Variants in DCBLD1 observed in about 807,000 individuals in gnomAD.
The protein encoded by DCBLD1 is discoidin, CUB and LCCL domain containing 1.
Under a neutral mutation model 71.5 loss-of-function variants are expected in DCBLD1, and 57 were observed. That is an observed-to-expected ratio of 0.80 (90% CI 0.64 to 0.99). The LOEUF (loss-of-function observed/expected upper bound fraction) is 0.99. DCBLD1 is among the 50% of genes least tolerant of loss of function. The pLI, the probability that DCBLD1 is intolerant of heterozygous loss-of-function variation, is 0.00. For missense variants in DCBLD1, 891 were observed against 923.5 expected (o/e 0.96, Z 0.46); for synonymous variants, 380 against 363.8 (o/e 1.04, Z -0.51).
At chr6:117,547,558 GT>G (rs1322532083) in intron 14 of DCBLD1, 2 of 553,030 alleles carry the variant, frequency 3.6e-6, no homozygotes, top group African/African-American at 1.9e-5. Flanking sequence ...TTTCGAGGCT[GT>G]TTTTTTCTCC....
chr6:117,522,389 G>A (rs9285422), intron 4 of DCBLD1, among the ~76,000 whole-genome samples: 46,629 of 151,802 alleles, frequency 0.31, 8,253 homozygotes, highest in African/African-American at 0.49. Context: ...CCAGTGGAGA[G>A]CCACTAGTCT....
chr6:117,500,870 A>C (rs1205970195), intron 1 of DCBLD1, among the ~76,000 whole-genome samples: 1 of 151,296 alleles, frequency 6.6e-6, no homozygotes, highest in Non-Finnish European at 1.5e-5. Context: ...CTCAAAAAAA[A>C]CAGTGACACC....
At chr6:117,537,330 C>G (rs953087714) in intron 7 of DCBLD1, 105 bp downstream of exon 7, 2 of 1,020,452 alleles carry the variant, frequency 2.0e-6, no homozygotes, top group Admixed American at 1.9e-5. Context: ...GTCAGGAGAT[C>G]GAGACCATCC....
chr6:117,499,412 AAAAG>A (rs1393739882), intron 1 of DCBLD1, among the ~76,000 whole-genome samples: 1 of 151,152 alleles, frequency 6.6e-6, no homozygotes, highest in Non-Finnish European at 1.5e-5. Context: ...CTCAAAAAGA[AAAAG>A]AAAAAAAAAA....
chr6:117,561,876 G>T (rs916302631), intron 14 of DCBLD1: 27 of 206,108 alleles, frequency 1.3e-4, no homozygotes, highest in Non-Finnish European at 9.9e-6. Context: ...ATTTACCCTT[G>T]AACAAATATA....
At chr6:117,557,349 TTA>T (rs1779507389) in intron 14 of DCBLD1, among the ~76,000 whole-genome samples, 1 of 152,166 alleles carries the variant, frequency 6.6e-6, no homozygotes, top group South Asian at 2.1e-4. Context: ...TTCAAATTTT[TTA>T]TGTCCTTATG....
At chr6:117,553,257 C>T (rs974343286), downstream of DCBLD1, among the ~76,000 whole-genome samples, 6 of 152,200 alleles carry the variant, frequency 3.9e-5, no homozygotes, top group African/African-American at 1.2e-4. Flanking sequence ...CTTCCTTCAC[C>T]TAAAAATAAA....
chr6:117,528,636 G>A (rs559960882), intron 5 of DCBLD1, among the ~76,000 whole-genome samples: 111 of 152,288 alleles, frequency 7.3e-4, no homozygotes, highest in African/African-American at 2.6e-3. Context: ...AATGTTTATT[G>A]TAGATAATGC....
At chr6:117,531,966 C>T (rs1583015648) in intron 5 of DCBLD1, among the ~76,000 whole-genome samples, 1 of 152,292 alleles carries the variant, frequency 6.6e-6, no homozygotes, top group East Asian at 1.9e-4. Context: ...CTCCCTTAGC[C>T]TGGAATCACT....
intron 5 of DCBLD1, among the ~76,000 whole-genome samples, chr6:117,529,030 C>T (rs765918773): frequency 7.2e-5 from 11 of 152,078 alleles, no homozygotes; most frequent in Non-Finnish European, 1.0e-4. Context: ...TTAGTAGAGA[C>T]GGGGTTTCAC....
chr6:117,550,691 A>C (rs1299789244), downstream of DCBLD1, among the ~76,000 whole-genome samples: 1 of 152,226 alleles, frequency 6.6e-6, no homozygotes, highest in Non-Finnish European at 1.5e-5. Flanking sequence ...ACATGAAATC[A>C]CATTTGTAGG....
intron 1 of DCBLD1, among the ~76,000 whole-genome samples, chr6:117,489,700 T>A (rs1483517231): frequency 1.3e-5 from 2 of 152,044 alleles, no homozygotes; most frequent in African/African-American, 2.4e-5. Context: ...ATGGTCTAAC[T>A]CGGTGAAACC....
At position 117,489,754 on chromosome 6, in the gene DCBLD1, G is replaced by A. The variant is rs369603968; in HGVS notation, c.112+6861G>A. 1.3e-4 allele frequency among the ~76,000 whole-genome samples: 20 copies of A among 152,222 alleles called. No individual in the cohort carries two copies. In the East Asian group the frequency reaches 2.3e-3, roughly 18 times the overall value. On this transcript the variant is annotated intron_variant, in intron 1 of 14. Coordinates refer to ENST00000338728, the MANE Select transcript of DCBLD1 (RefSeq NM_001366458.2). ...CAAAAAATTAGCCGGGCGTGGTGGC[G>A]GGTGCCTGTGGTCCCAGCTACTTGG...
downstream of DCBLD1, among the ~76,000 whole-genome samples, chr6:117,552,749 ATGTCCACATTCT>A (rs2114585804): frequency 6.6e-6 from 1 of 152,226 alleles, no homozygotes; most frequent in African/African-American, 2.4e-5. Context: ...ACTCCCACAC[ATGTCCACATTCT>A]TGTCATCAGC....
chr6:117,514,367 G>A (rs1438111041), intron 2 of DCBLD1, among the ~76,000 whole-genome samples: 1 of 152,140 alleles, frequency 6.6e-6, no homozygotes, highest in Non-Finnish European at 1.5e-5. Context: ...ACTTTGAGGA[G>A]GCTGAGATGG....
intron 9 of DCBLD1, 78 bp downstream of exon 9, chr6:117,539,457 A>C (rs968171932): frequency 6.9e-7 from 1 of 1,450,980 alleles, no homozygotes; most frequent in Non-Finnish European, 9.2e-7. Flanking sequence ...TGTTTACATT[A>C]AATATCTCAT....
At chr6:117,568,069 G>A (rs566615035) in intron 14 of DCBLD1, among the ~76,000 whole-genome samples, 2 of 151,458 alleles carry the variant, frequency 1.3e-5, no homozygotes, top group Non-Finnish European at 2.9e-5. Flanking sequence ...CATGGTGGCA[G>A]GCATCTGTAG....
At chr6:117,502,906 C>T (rs1255071867) in intron 1 of DCBLD1, among the ~76,000 whole-genome samples, 1 of 152,158 alleles carries the variant, frequency 6.6e-6, no homozygotes, top group African/African-American at 2.4e-5. Flanking sequence ...AGGTGAACTT[C>T]CCTATTCAGA....
At chr6:117,503,019 A>C (rs772889591) in intron 1 of DCBLD1, among the ~76,000 whole-genome samples, 1 of 152,218 alleles carries the variant, frequency 6.6e-6, no homozygotes, top group Non-Finnish European at 1.5e-5. Context: ...CCTGATGTAT[A>C]TATAACACAT....
Sources: allele counts gnomAD v4.1 joint callset (sites outside exome capture counted in the v4.1 genomes callset), GRCh38; gene constraint gnomAD v4.1.1; transcripts MANE v1.5; gene names NCBI Gene and HGNC (gene_info 2026-07-23, HGNC 2026-07-21).